Variants in RFX3 observed in about 807,000 individuals in gnomAD.
RFX3 encodes regulatory factor X3.
In RFX3, 14 loss-of-function variants were observed where a neutral mutation model predicts 98.6. The ratio of observed to expected loss-of-function variants is 0.14; its 90% CI spans 0.09 to 0.22. RFX3 has a LOEUF of 0.22. Among genes scored for constraint, RFX3 ranks in the 10% least tolerant of loss-of-function variants. The probability of loss-of-function intolerance (pLI) is 1.00; values close to 1 mark genes in which losing one functional copy is unlikely to be tolerated. For synonymous variants in RFX3, 383 were observed against 328.4 expected, an observed-to-expected ratio of 1.17 and a Z score of -1.80; for missense variants, 639 against 926.9, an observed-to-expected ratio of 0.69 and a Z score of 4.03.
intron 1 of RFX3, among the ~76,000 whole-genome samples, chr9:3,497,316 C>A (rs993425673): frequency 6.6e-6 from 1 of 151,948 alleles, no homozygotes; most frequent in African/African-American, 2.4e-5. Flanking sequence ...AGGAATTCTT[C>A]TCTAAATAAG....
At chr9:3,433,204 C>G (rs1396810355) in intron 1 of RFX3, among the ~76,000 whole-genome samples, 2 of 152,036 alleles carry the variant, frequency 1.3e-5, no homozygotes, top group Non-Finnish European at 2.9e-5. Context: ...GTTCAAGAGT[C>G]AACTGTATTT....
intron 5 of RFX3, among the ~76,000 whole-genome samples, chr9:3,295,727 T>G (rs987210979): frequency 6.6e-6 from 1 of 152,110 alleles, no homozygotes; most frequent in African/African-American, 2.4e-5. Flanking sequence ...TGATTTGTTC[T>G]GAGTAAAGAA....
intron 1 of RFX3, among the ~76,000 whole-genome samples, chr9:3,396,284 T>C (rs1272925337): frequency 6.6e-6 from 1 of 151,926 alleles, no homozygotes; most frequent in Non-Finnish European, 1.5e-5. Flanking sequence ...AGTGAGAACA[T>C]GCGGTGTTTG....
At chr9:3,465,202 A>T (rs962884832) in intron 1 of RFX3, among the ~76,000 whole-genome samples, 3 of 152,174 alleles carry the variant, frequency 2.0e-5, no homozygotes, top group African/African-American at 7.2e-5. Context: ...GTCTGACAGC[A>T]TCTTAGTATC....
At chr9:3,297,245 T>G (rs892284679) in intron 5 of RFX3, among the ~76,000 whole-genome samples, 1 of 152,084 alleles carries the variant, frequency 6.6e-6, no homozygotes, top group Non-Finnish European at 1.5e-5. Context: ...TTTTATAAAA[T>G]GTCTTGTAAA....
At chr9:3,408,612 T>TCACACA (rs373554738) in intron 1 of RFX3, among the ~76,000 whole-genome samples, 61 of 147,792 alleles carry the variant, frequency 4.1e-4, no homozygotes, top group African/African-American at 1.3e-3. Context: ...TCTCTCTCTC[T>TCACACA]CACACACACA....
intron 1 of RFX3, among the ~76,000 whole-genome samples, chr9:3,455,231 C>T (rs1317393131): frequency 2.0e-5 from 3 of 152,118 alleles, no homozygotes; most frequent in South Asian, 2.1e-4. Flanking sequence ...TCCTTTCTAC[C>T]GTTTCAGGTT....
At chr9:3,338,623 A>G (rs759404093) in intron 3 of RFX3, among the ~76,000 whole-genome samples, 13 of 152,144 alleles carry the variant, frequency 8.5e-5, no homozygotes, top group Non-Finnish European at 1.5e-4. Flanking sequence ...CCACCCCTAA[A>G]GTTCTTAATT....
intron 15 of RFX3, chr9:3,247,640 A>G: frequency 7.3e-7 from 1 of 1,367,960 alleles, no homozygotes; most frequent in Non-Finnish European, 9.5e-7. Context: ...GTTCTTGGAG[A>G]CCGGGAAAGA....
chr9:3,522,914 C>G (rs1818862250), intron 1 of RFX3, among the ~76,000 whole-genome samples: 2 of 152,010 alleles, frequency 1.3e-5, no homozygotes. Context: ...GCACAGTAAG[C>G]TTATAAACTA....
intron 2 of RFX3, among the ~76,000 whole-genome samples, chr9:3,380,950 T>G (rs935326804): frequency 1.3e-5 from 2 of 152,152 alleles, no homozygotes; most frequent in African/African-American, 4.8e-5. Flanking sequence ...ATAAAGTTTC[T>G]CAACTTCTCT....
At chr9:3,252,108 G>A (rs1267176994) in intron 14 of RFX3, among the ~76,000 whole-genome samples, 1 of 149,930 alleles carries the variant, frequency 6.7e-6, no homozygotes, top group African/African-American at 2.4e-5. Context: ...TCGGCCTTCT[G>A]TTAAAATATA....
intron 2 of RFX3, among the ~76,000 whole-genome samples, chr9:3,352,833 G>T (rs1835307499): frequency 1.3e-5 from 2 of 151,982 alleles, no homozygotes; most frequent in South Asian, 4.1e-4. Flanking sequence ...AGAGAAACTA[G>T]GACAGAATGA....
intron 4 of RFX3, chr9:3,324,188 A>T (rs1048833030): frequency 4.1e-6 from 1 of 242,676 alleles, no homozygotes; most frequent in Admixed American, 4.5e-5. Context: ...GTCTTTTTTT[A>T]AAAAATATTG....
At position 3,260,914 on chromosome 9, in the gene RFX3, C is replaced by CTA. The variant is rs368034885; in HGVS notation, c.1605+2019_1605+2020dup. Among the ~76,000 whole-genome samples the CTA allele has an allele frequency of 8.7e-4, 129 of 148,320 alleles. 1 individual carries two copies. Among genetic ancestry groups the CTA allele is most frequent in the East Asian group, 1.6e-3 (8 of 5,106 alleles). On this transcript the variant is annotated intron_variant, in intron 13 of 16. Coordinates refer to ENST00000617270, the MANE Select transcript of RFX3 (RefSeq NM_001282116.2). ...ATTAGATAGATATAGATCTCTCTCT[C>CTA]TATATATATATATATCTCAGAAGTT...
chr9:3,504,717 A>C (rs189813884), intron 1 of RFX3, among the ~76,000 whole-genome samples: 1 of 113,818 alleles, frequency 8.8e-6, no homozygotes, highest in Non-Finnish European at 1.7e-5. Context: ...TTGTATATAA[A>C]ATATATATTA....
At chr9:3,524,827 GCACACACACACA>G (rs34119220) in intron 1 of RFX3, among the ~76,000 whole-genome samples, 5,769 of 128,176 alleles carry the variant, frequency 0.045, 247 homozygotes, top group African/African-American at 0.12. Context: ...TAAATCACAA[GCACACACACACA>G]CACACACACA....
At chr9:3,383,891 G>C (rs931562291) in intron 2 of RFX3, among the ~76,000 whole-genome samples, 1 of 152,102 alleles carries the variant, frequency 6.6e-6, no homozygotes, top group Non-Finnish European at 1.5e-5. Context: ...GGCATAACTT[G>C]TGTATCTATT....
chr9:3,368,346 T>C (rs1010279498), intron 2 of RFX3, among the ~76,000 whole-genome samples: 2 of 152,170 alleles, frequency 1.3e-5, no homozygotes, highest in African/African-American at 2.4e-5. Context: ...GAATCCTTTT[T>C]AGTAAAATGT....
Sources: allele counts gnomAD v4.1 joint callset (sites outside exome capture counted in the v4.1 genomes callset), GRCh38; gene constraint gnomAD v4.1.1; transcripts MANE v1.5; gene names NCBI Gene and HGNC (gene_info 2026-07-23, HGNC 2026-07-21).